EPB41L5: variants seen among roughly 807,000 people sequenced by gnomAD.
The protein encoded by EPB41L5 is erythrocyte membrane protein band 4.1 like 5.
A neutral mutation model predicts 106.6 loss-of-function variants in EPB41L5; 55 were observed. That is an observed-to-expected ratio of 0.52 (90% confidence interval 0.42 to 0.65). The LOEUF (loss-of-function observed/expected upper bound fraction) is 0.65, where lower values mean the gene tolerates loss of function less well. Ranked by LOEUF, EPB41L5 falls within the 30% of genes least tolerant of loss-of-function variation. EPB41L5 has a pLI of 0.00. For synonymous variants in EPB41L5, 297 were observed against 306.7 expected (o/e 0.97, Z 0.33); for missense variants, 871 against 882.1 (o/e 0.99, Z 0.16).
chr2:120,016,371 A>C (rs1402782012), intron 1 of EPB41L5, among the ~76,000 whole-genome samples: 2 of 151,946 alleles, frequency 1.3e-5, no homozygotes. Context: ...TGGAGGTTGC[A>C]GTGAGCCGAG....
chr2:120,041,979 G>A (rs1179861173), intron 2 of EPB41L5, 27 bp from the exon 3 acceptor site: 4 of 1,533,940 alleles, frequency 2.6e-6, no homozygotes, highest in Non-Finnish European at 3.6e-6. Context: ...ACCACTTATT[G>A]ATTTACTTAT....
chr2:120,141,391 A>G (rs563448457), intron 18 of EPB41L5, among the ~76,000 whole-genome samples: 1 of 152,212 alleles, frequency 6.6e-6, no homozygotes, highest in African/African-American at 2.4e-5. Flanking sequence ...TGAAAGACAA[A>G]ATCAGGATCC....
chr2:120,023,438 G>A (rs188494533), intron 2 of EPB41L5, among the ~76,000 whole-genome samples: 162 of 152,264 alleles, frequency 1.1e-3, no homozygotes, highest in African/African-American at 3.8e-3. Context: ...ATTAAATAGG[G>A]AATCGTTTCC....
intron 19 of EPB41L5, among the ~76,000 whole-genome samples, chr2:120,145,536 C>G (rs975304984): frequency 6.6e-6 from 1 of 152,036 alleles, no homozygotes; most frequent in Non-Finnish European, 1.5e-5. Flanking sequence ...TGTGGGAAGC[C>G]TCAAGGGAAT....
At chr2:120,106,905 T>A in intron 16 of EPB41L5, 1 of 970,636 alleles carries the variant, frequency 1.0e-6, no homozygotes, top group Non-Finnish European at 1.2e-6. Flanking sequence ...AAAATAAATT[T>A]TATTTGTCCT....
At chr2:120,138,128 C>G (rs1207053396) in intron 18 of EPB41L5, among the ~76,000 whole-genome samples, 1 of 151,758 alleles carries the variant, frequency 6.6e-6, no homozygotes, top group East Asian at 1.9e-4. Context: ...TCAATTGATG[C>G]TGAAAAAACA....
Position 120,074,152 on chromosome 2 carries a change from A to G in EPB41L5, c.381A>G (p.Pro127=), listed in dbSNP as rs1218290976. The G allele has an allele frequency of 6.2e-7, 1 of 1,612,886 alleles. No homozygotes were observed. Among genetic ancestry groups the G allele is most frequent in the African/African-American group, 1.3e-5 (1 of 74,860 alleles). The change falls in exon 5 of 25, where the codon CCA becomes CCG. Residue 127 remains proline (P), a synonymous_variant. Coordinates refer to ENST00000263713, the MANE Select transcript of EPB41L5 (RefSeq NM_020909.4). ...GAGTTAAGTTTTATTCCTCAGAACC[A>G]AATAACCTTCGTGAGGAGCTAACCC... The part of the protein sequence containing the change: ...HLRVKFYSSE[P]NNLREELTRY...
chr2:120,028,828 A>G (rs1678511972), intron 2 of EPB41L5, among the ~76,000 whole-genome samples: 1 of 152,190 alleles, frequency 6.6e-6, no homozygotes, highest in Non-Finnish European at 1.5e-5. Context: ...GTCAAAGATC[A>G]TGAGAAGATA....
intron 3 of EPB41L5, among the ~76,000 whole-genome samples, chr2:120,061,630 G>C (rs112615843): frequency 6.6e-6 from 1 of 152,130 alleles, no homozygotes; most frequent in African/African-American, 2.4e-5. Flanking sequence ...GGGATGACAG[G>C]CATGAGCCAC....
intron 3 of EPB41L5, among the ~76,000 whole-genome samples, chr2:120,071,187 A>G (rs913695330): frequency 6.6e-6 from 1 of 151,906 alleles, no homozygotes; most frequent in African/African-American, 2.4e-5. Context: ...ATTCCTATAC[A>G]CCAATAACAG....
At chr2:120,032,779 T>C (rs186771181) in intron 2 of EPB41L5, among the ~76,000 whole-genome samples, 2 of 152,370 alleles carry the variant, frequency 1.3e-5, no homozygotes, top group African/African-American at 4.8e-5. Context: ...CCCTCATTTC[T>C]TTAGCATTTT....
chr2:120,176,434 A>G lies in EPB41L5; in HGVS notation c.*1527A>G, dbSNP rs1351252641. The G allele has an allele frequency of 6.6e-6, 1 of 152,236 alleles. No homozygotes were observed. Among genetic ancestry groups the G allele is most frequent in the Non-Finnish European group, 1.5e-5 (1 of 68,044 alleles). 9.4% of individuals were successfully genotyped at this position (152,236 alleles called of 1,614,324 possible). On this transcript the variant is annotated 3_prime_UTR_variant, in exon 25 of 25. Transcript: ENST00000263713. ...CTCCTTATAACATAATCGTGTGTCC[A>G]GGCAAACGCACACTAGTGTCTGACT... is the stretch of plus-strand genomic sequence containing the variant.
intron 2 of EPB41L5, among the ~76,000 whole-genome samples, chr2:120,026,213 C>T (rs113767459): frequency 5.3e-5 from 8 of 152,106 alleles, no homozygotes; most frequent in Middle Eastern, 3.4e-3. Context: ...ATATCGTAGT[C>T]GTACATATTT....
chr2:120,067,919 A>G (rs895700987), intron 3 of EPB41L5, among the ~76,000 whole-genome samples: 1 of 152,184 alleles, frequency 6.6e-6, no homozygotes, highest in Admixed American at 6.5e-5. Context: ...AATAAGGGCA[A>G]AATTTAGCAT....
intron 3 of EPB41L5, among the ~76,000 whole-genome samples, chr2:120,043,731 G>C (rs1679578046): frequency 2.0e-5 from 3 of 152,102 alleles, no homozygotes; most frequent in African/African-American, 7.2e-5. Context: ...GGGTGACAAA[G>C]TGTGAGACCC....
chr2:120,046,320 T>C (rs1197789726), intron 3 of EPB41L5, among the ~76,000 whole-genome samples: 6 of 152,194 alleles, frequency 3.9e-5, no homozygotes, highest in African/African-American at 1.4e-4. Flanking sequence ...CAGCACCTGT[T>C]GTTTCCTGAC....
chr2:120,173,344 C>A (rs961783723), intron 24 of EPB41L5, among the ~76,000 whole-genome samples: 1 of 152,122 alleles, frequency 6.6e-6, no homozygotes, highest in African/African-American at 2.4e-5. Flanking sequence ...ACACCTCACC[C>A]AGAACAGTCA....
rs564659166 is a variant in EPB41L5 at position 120,028,206 on chromosome 2, G to A, written c.180+8942G>A. 1.1e-4 allele frequency among the ~76,000 whole-genome samples: 17 copies of A among 151,436 alleles called. No individual in the cohort carries two copies. In the South Asian group the frequency reaches 3.2e-3, roughly 29 times the overall value. On this transcript the variant is annotated intron_variant, in intron 2 of 24. Transcript: ENST00000263713. ...TTAAAAAGAATGCATTGATTTTTGT[G>A]TATTTGTATTTTATTCCACTCAAGA...
intron 3 of EPB41L5, among the ~76,000 whole-genome samples, chr2:120,050,741 T>C (rs940689789): frequency 3.3e-5 from 5 of 152,256 alleles, no homozygotes; most frequent in African/African-American, 1.2e-4. Flanking sequence ...GCTCTGATTT[T>C]TAGAATTTTT....
Sources: allele counts gnomAD v4.1 joint callset (sites outside exome capture counted in the v4.1 genomes callset), GRCh38; gene constraint gnomAD v4.1.1; transcripts MANE v1.5; gene names NCBI Gene and HGNC (gene_info 2026-07-23, HGNC 2026-07-21).